Variants in COL14A1 observed in about 807,000 individuals in gnomAD.
COL14A1 encodes the protein collagen alpha-1(XIV) chain.
Under a neutral mutation model 230.3 loss-of-function variants are expected in COL14A1, and 136 were observed. That is an observed-to-expected ratio of 0.59 (90% CI 0.51 to 0.68). The LOEUF is 0.68. Ranked by LOEUF, COL14A1 falls within the 30% of genes least tolerant of loss-of-function variation. COL14A1 has a pLI of 0.00. For synonymous variants in COL14A1, 792 were observed against 784.1 expected, an observed-to-expected ratio of 1.01 and a Z score of -0.17; for missense variants, 1,976 against 2,215.8, an observed-to-expected ratio of 0.89 and a Z score of 2.17.
At chr8:120,354,805 A>C (rs1822919207) in intron 45 of COL14A1, among the ~76,000 whole-genome samples, 1 of 152,162 alleles carries the variant, frequency 6.6e-6, no homozygotes, top group Admixed American at 6.5e-5. Flanking sequence ...AATTATTGGC[A>C]CTTAGCATTG....
intron 34 of COL14A1, among the ~76,000 whole-genome samples, chr8:120,297,200 C>A (rs1252009753): frequency 6.6e-6 from 1 of 151,794 alleles, no homozygotes; most frequent in African/African-American, 2.4e-5. Context: ...CATTTGGGAG[C>A]AGCTGTGATG....
At chr8:120,288,989 C>T (rs1820290385) in intron 33 of COL14A1, among the ~76,000 whole-genome samples, 1 of 152,088 alleles carries the variant, frequency 6.6e-6, no homozygotes, top group Admixed American at 6.6e-5. Flanking sequence ...TTTTACGAGT[C>T]CTTACAAAGA....
intron 1 of COL14A1, among the ~76,000 whole-genome samples, chr8:120,130,706 G>A (rs1006752204): frequency 2.0e-5 from 3 of 152,204 alleles, no homozygotes; most frequent in African/African-American, 4.8e-5. Flanking sequence ...AAGCCTGGAT[G>A]AAATGGATTC....
chr8:120,345,354 T>G (rs1268079614), intron 44 of COL14A1, 21 bp from the exon 45 acceptor site: 1 of 1,543,222 alleles, frequency 6.5e-7, no homozygotes, highest in Non-Finnish European at 8.7e-7. Context: ...CTGAATGCTG[T>G]CTTTATGCTT....
intron 1 of COL14A1, among the ~76,000 whole-genome samples, chr8:120,130,034 G>A (rs138789222): frequency 1.3e-5 from 2 of 152,156 alleles, no homozygotes; most frequent in Non-Finnish European, 2.9e-5. Context: ...AGGCCTGGTT[G>A]GTGAAGGATC....
In COL14A1 at chr8:120,147,857, G is replaced by A. The variant is rs367643742; in HGVS notation, c.15G>A (p.Gln5=). ...CGGAAAATAAAATGAAGATTTTCCA[G>A]CGCAAGATGCGGTACTGGTTGCTTC... MKIF[Q]RKMRYWLLPP... is the part of the protein sequence containing the mutation. The change falls in exon 2 of 48, where the codon CAG becomes CAA. Residue 5 remains glutamine, a synonymous_variant. Transcript: ENST00000297848. 3.7e-6 allele frequency: 6 copies of A among 1,613,606 alleles called. No individual in the cohort carries two copies. In the African/African-American group the frequency reaches 6.7e-5, roughly 18 times the overall value.
chr8:120,243,775 T>C (rs1276378161), intron 19 of COL14A1, 104 bp from the exon 20 acceptor site: 2 of 1,339,256 alleles, frequency 1.5e-6, no homozygotes, highest in Non-Finnish European at 2.1e-6. Context: ...TCAAAGCACA[T>C]CTCTTTTCTT....
At chr8:120,322,640 T>C (rs952363951) in intron 40 of COL14A1, among the ~76,000 whole-genome samples, 1 of 152,238 alleles carries the variant, frequency 6.6e-6, no homozygotes, top group African/African-American at 2.4e-5. Flanking sequence ...AGTGAGAACA[T>C]GCAGAATCTG....
At chr8:120,303,051 GT>G (rs1303600613) in intron 36 of COL14A1, among the ~76,000 whole-genome samples, 2 of 152,126 alleles carry the variant, frequency 1.3e-5, no homozygotes, top group Non-Finnish European at 2.9e-5. Context: ...GCTGCTGTTG[GT>G]GTATAGGGAT....
chr8:120,216,269 GT>G, intron 13 of COL14A1, 81 bp from the exon 14 acceptor site: 1 of 1,155,490 alleles, frequency 8.7e-7, no homozygotes, highest in Non-Finnish European at 1.2e-6. Context: ...TATGTAAATA[GT>G]TTAGAAGTCA....
chr8:120,301,647 T>G (rs1052884495), intron 36 of COL14A1, among the ~76,000 whole-genome samples: 1 of 152,194 alleles, frequency 6.6e-6, no homozygotes, highest in Non-Finnish European at 1.5e-5. Flanking sequence ...CTATTGTGAA[T>G]AGTGCTACAG....
At chr8:120,300,106 T>A (rs998285335) in intron 35 of COL14A1, among the ~76,000 whole-genome samples, 1 of 152,068 alleles carries the variant, frequency 6.6e-6, no homozygotes, top group Non-Finnish European at 1.5e-5. Flanking sequence ...CCATTAATAA[T>A]CTATTTTGTA....
intron 42 of COL14A1, among the ~76,000 whole-genome samples, chr8:120,333,566 T>A (rs932021691): frequency 6.6e-6 from 1 of 152,234 alleles, no homozygotes; most frequent in African/African-American, 2.4e-5. Context: ...ATCCAATGGA[T>A]GAGGATGGAA....
In COL14A1 at chr8:120,289,644, G is replaced by T. The variant is rs771928801; in HGVS notation, c.4114G>T (p.Val1372Phe). Residue 1372 changes from valine (V) to phenylalanine (F), a missense_variant, in exon 34 of 48, where the codon GTT becomes TTT. By Grantham distance (50) the Val-to-Phe change is conservative. This residue lies in a region of COL14A1 where 1,791 missense variants were observed against 2,019.5 expected (regional missense o/e 0.89). Coordinates refer to ENST00000297848, the MANE Select transcript of COL14A1 (RefSeq NM_021110.4). Reference sequence around the variant, plus strand: ...TGTCAGTGAGACTTTGGTCAAAGTGGTTATTGACTGCAAGCAAGTGGGTGA... The same window carrying T: ...TGTCAGTGAGACTTTGGTCAAAGTGTTTATTGACTGCAAGCAAGTGGGTGA... ...IVVSETLVKV[V>F]IDCKQVGEKA... 61 of 1,613,894 alleles carry T rather than the reference G, an allele frequency of 3.8e-5. No individual in the cohort carries two copies. The highest frequency in any genetic ancestry group is 5.0e-5 in the Non-Finnish European group (59 of 1,179,968).
chr8:120,233,781 G>A (rs577775370), intron 19 of COL14A1, among the ~76,000 whole-genome samples: 29 of 152,154 alleles, frequency 1.9e-4, no homozygotes, highest in Admixed American at 5.9e-4. Flanking sequence ...TTTTTGCTTA[G>A]GATTGTCTTG....
intron 45 of COL14A1, among the ~76,000 whole-genome samples, chr8:120,366,494 T>A (rs1251533580): frequency 1.3e-5 from 2 of 152,250 alleles, no homozygotes; most frequent in Non-Finnish European, 2.9e-5. Context: ...CGCTCTCACC[T>A]TTCAAGTGAT....
At position 120,371,607 on chromosome 8, in the gene COL14A1, G is replaced by A. The variant is rs567393239; in HGVS notation, c.*376G>A. 2.8e-5 allele frequency: 11 copies of A among 398,518 alleles called. No homozygotes were observed. The highest frequency in any genetic ancestry group is 6.3e-4 in the Middle Eastern group (1 of 1,582). 24.7% of individuals were successfully genotyped at this position (398,518 alleles called of 1,614,324 possible). On this transcript the variant is annotated 3_prime_UTR_variant, in exon 48 of 48. Transcript: ENST00000297848. ...TGTGTTTGAGGGAAATATGTCCCTAGCAGGAAAAGAATTCAAAGAGGTTCA... is the reference window on the plus strand; with the variant it reads ...TGTGTTTGAGGGAAATATGTCCCTAACAGGAAAAGAATTCAAAGAGGTTCA...
At chr8:120,346,997 C>T (rs182387492) in intron 45 of COL14A1, among the ~76,000 whole-genome samples, 8 of 152,262 alleles carry the variant, frequency 5.3e-5, no homozygotes, top group Admixed American at 5.2e-4. Flanking sequence ...TCACAACACA[C>T]CAAAGATCTG....
At chr8:120,278,056 C>G (rs1027443800) in intron 26 of COL14A1, 55 bp from the exon 27 acceptor site, 10 of 1,480,828 alleles carry the variant, frequency 6.8e-6, no homozygotes, top group Non-Finnish European at 9.0e-6. Flanking sequence ...CTGTTGCTCT[C>G]TGACCCAGTG....
Sources: allele counts gnomAD v4.1 joint callset (sites outside exome capture counted in the v4.1 genomes callset), GRCh38; gene constraint gnomAD v4.1.1; regional missense constraint gnomAD v4.1.1; transcripts MANE v1.5; gene names NCBI Gene and HGNC (gene_info 2026-07-23, HGNC 2026-07-21).